The following PRKN variants were observed in gnomAD, a reference collection of about 807,000 sequenced individuals.
The protein encoded by PRKN is E3 ubiquitin-protein ligase parkin.
A neutral mutation model predicts 59.5 loss-of-function variants in PRKN; 56 were observed. That is an observed-to-expected ratio of 0.94 (90% CI 0.76 to 1.18). PRKN has a LOEUF of 1.18. Ranked by LOEUF, PRKN falls within the 50% of genes most tolerant of loss-of-function variation. The pLI, the probability that PRKN is intolerant of heterozygous loss-of-function variation, is 0.00. For missense variants in PRKN, 657 were observed against 596.4 expected (o/e 1.10, Z -1.06); for synonymous variants, 250 against 222.1 (o/e 1.13, Z -1.12).
intron 3 of PRKN, among the ~76,000 whole-genome samples, chr6:162,232,144 C>A (rs755704695): frequency 6.6e-6 from 1 of 152,064 alleles, no homozygotes; most frequent in Non-Finnish European, 1.5e-5. Flanking sequence ...TTATGCGAAA[C>A]GAGGGGTATG....
chr6:161,407,413 T>G lies in PRKN; in HGVS notation c.1084-20536A>C, dbSNP rs901837218. Among the ~76,000 whole-genome samples, 1 of 152,112 alleles carries G rather than the reference T, an allele frequency of 6.6e-6. No homozygotes were observed. On this transcript the variant is annotated intron_variant, in intron 9 of 11. Transcript: ENST00000366898. This position sits in a 1 kb window ranked among gnomAD's most constrained non-coding sequence, Gnocchi z 4.9. ...TTGCTGGGAGGTAATTTAACAGGAC[T>G]GAAATGCCTCCATTCTAAGATGACA...
chr6:161,901,100 T>C (rs1440394584), intron 6 of PRKN, among the ~76,000 whole-genome samples: 5 of 151,754 alleles, frequency 3.3e-5, no homozygotes, highest in African/African-American at 1.2e-4. Flanking sequence ...GTATTTTTAG[T>C]AGAGATGGGG....
At chr6:162,628,344 C>T (rs1782979093) in intron 1 of PRKN, among the ~76,000 whole-genome samples, 2 of 152,060 alleles carry the variant, frequency 1.3e-5, no homozygotes, top group Admixed American at 6.6e-5. Flanking sequence ...CAAAGTAAGA[C>T]AGAAATAACC....
rs529694807 is a variant in PRKN at position 162,379,086 on chromosome 6, C to T, written c.171+64224G>A. ...TCTCTAAACTCCTCTCCCCTTCTTA[C>T]ACATTTTAACCAAGTCAATGTTTTC... On this transcript the variant is annotated intron_variant, in intron 2 of 11. Coordinates refer to ENST00000366898, the MANE Select transcript of PRKN (RefSeq NM_004562.3). Among the ~76,000 whole-genome samples the T allele has an allele frequency of 8.5e-5, 13 of 152,312 alleles. No homozygotes were observed. In the South Asian group the frequency reaches 1.7e-3, roughly 19 times the overall value.
intron 2 of PRKN, among the ~76,000 whole-genome samples, chr6:162,264,374 A>G (rs1319237441): frequency 6.6e-6 from 1 of 152,132 alleles, no homozygotes; most frequent in South Asian, 2.1e-4. Flanking sequence ...AGAACACTCA[A>G]GTGAAATGCA....
intron 1 of PRKN, among the ~76,000 whole-genome samples, chr6:162,655,141 A>C (rs186607508): frequency 6.6e-6 from 1 of 152,252 alleles, no homozygotes; most frequent in African/African-American, 2.4e-5. Context: ...TATTATTACA[A>C]TATATTAATG....
At chr6:162,116,791 G>A (rs555178908) in intron 4 of PRKN, among the ~76,000 whole-genome samples, 1 of 152,328 alleles carries the variant, frequency 6.6e-6, no homozygotes, top group African/African-American at 2.4e-5. Flanking sequence ...TTTAGAGGGT[G>A]GAGAACATAG....
intron 7 of PRKN, among the ~76,000 whole-genome samples, chr6:161,768,472 G>T (rs1789523472): frequency 6.6e-6 from 1 of 151,946 alleles, no homozygotes; most frequent in African/African-American, 2.4e-5. Context: ...TAAAAATAAA[G>T]AATTGATTAT....
Position 161,461,688 on chromosome 6 carries a change from G to T in PRKN, c.1084-74811C>A, listed in dbSNP as rs993731522. On this transcript the variant is annotated intron_variant, in intron 9 of 11. Coordinates refer to ENST00000366898, the MANE Select transcript of PRKN (RefSeq NM_004562.3). This position sits in a 1 kb window ranked among gnomAD's most constrained non-coding sequence, Gnocchi z 5.1. ...CAAGGACCGAGGTAAGAAGAGACAG[G>T]ACAGGGTTGCATGTGGGTGAGGGAA... 6.6e-6 allele frequency among the ~76,000 whole-genome samples: 1 copy of T among 152,172 alleles called. No individual in the cohort carries two copies. Among genetic ancestry groups the T allele is most frequent in the Non-Finnish European group, 1.5e-5 (1 of 68,030 alleles).
At chr6:161,771,511 C>G (rs1474824629) in intron 7 of PRKN, among the ~76,000 whole-genome samples, 1 of 152,032 alleles carries the variant, frequency 6.6e-6, no homozygotes, top group African/African-American at 2.4e-5. Context: ...GAATGCTGTT[C>G]TTATTCCTCC....
At chr6:162,189,630 G>A (rs921734406) in intron 4 of PRKN, among the ~76,000 whole-genome samples, 10 of 151,536 alleles carry the variant, frequency 6.6e-5, no homozygotes, top group African/African-American at 2.4e-4. Context: ...ATCTAATAAG[G>A]GAGCCCAGAA....
At chr6:161,367,192 G>A (rs562325172) in intron 10 of PRKN, among the ~76,000 whole-genome samples, 42 of 151,678 alleles carry the variant, frequency 2.8e-4, no homozygotes, top group African/African-American at 4.6e-4. Context: ...CATGTTAGCC[G>A]GGATGGTCTC....
chr6:161,408,381 G>A (rs1401241608), intron 9 of PRKN, among the ~76,000 whole-genome samples: 1 of 151,110 alleles, frequency 6.6e-6, no homozygotes, highest in African/African-American at 2.4e-5. Flanking sequence ...CGGACATGTG[G>A]GTTTGCGTAT....
chr6:162,719,983 A>G (rs376180739), intron 1 of PRKN, among the ~76,000 whole-genome samples: 3 of 152,080 alleles, frequency 2.0e-5, no homozygotes, highest in African/African-American at 7.2e-5. Context: ...CATTTTATTA[A>G]TACGAGCAAG....
chr6:162,513,939 G>A (rs937113923), intron 1 of PRKN, among the ~76,000 whole-genome samples: 3 of 151,880 alleles, frequency 2.0e-5, no homozygotes, highest in Non-Finnish European at 2.9e-5. Context: ...CCAGCTACGT[G>A]GGAGGCTGAG....
chr6:162,612,367 C>T (rs1304167678), intron 1 of PRKN, among the ~76,000 whole-genome samples: 6 of 151,848 alleles, frequency 4.0e-5, no homozygotes, highest in Admixed American at 6.6e-5. Flanking sequence ...GGTTCCTCAT[C>T]TTGGAAGGGA....
intron 7 of PRKN, among the ~76,000 whole-genome samples, chr6:161,711,513 T>C (rs1210848692): frequency 2.6e-5 from 4 of 152,150 alleles, no homozygotes; most frequent in African/African-American, 9.7e-5. Flanking sequence ...AATAAATACA[T>C]TTAGATTGGC....
intron 7 of PRKN, among the ~76,000 whole-genome samples, chr6:161,781,684 G>A (rs1410750900): frequency 6.6e-6 from 1 of 151,884 alleles, no homozygotes; most frequent in East Asian, 1.9e-4. Flanking sequence ...TATCTACAAG[G>A]GGCTGTCAAC....
At chr6:161,838,470 G>T (rs9346884) in intron 6 of PRKN, among the ~76,000 whole-genome samples, 1 of 151,990 alleles carries the variant, frequency 6.6e-6, no homozygotes, top group Non-Finnish European at 1.5e-5. Flanking sequence ...CGAGCCTCAG[G>T]TTCCAAGTCT....
Sources: gnomAD v4.1 joint callset for allele counts (sites outside exome capture counted in the v4.1 genomes callset) on GRCh38, gnomAD v4.1.1 for gene constraint, Gnocchi (gnomAD v3.1) non-coding constraint, MANE v1.5 for transcripts, NCBI Gene and HGNC (gene_info 2026-07-23, HGNC 2026-07-21) for gene names.